CHD3: variants seen among roughly 807,000 people sequenced by gnomAD.
The protein encoded by CHD3 is ATP-dependent chromatin remodeler CHD3.
A neutral mutation model predicts 248.9 loss-of-function variants in CHD3; 52 were observed. That is an observed-to-expected ratio of 0.21 (90% CI 0.17 to 0.26). The LOEUF (loss-of-function observed/expected upper bound fraction) is 0.26, where lower values mean the gene tolerates loss of function less well. Among genes scored for constraint, CHD3 ranks in the 10% least tolerant of loss-of-function variants. CHD3 has a pLI of 1.00. For missense variants in CHD3, 1,482 were observed against 2,605.8 expected, an observed-to-expected ratio of 0.57 and a Z score of 9.39; for synonymous variants, 985 against 985.2, an observed-to-expected ratio of 1.00 and a Z score of 0.00.
Position 7,911,622 on chromosome 17 carries a change from C to A in CHD3, c.*37C>A. 6.2e-7 allele frequency: 1 copy of A among 1,613,034 alleles called. No individual in the cohort carries two copies. The highest frequency in any genetic ancestry group is 1.1e-5 in the South Asian group (1 of 91,006). ...GCCTGCCCTTCACCCAGGCCCCGTC[C>A]CCGAGGCCGACCCCCAGCTCAAGCG... On this transcript the variant is annotated 3_prime_UTR_variant, in exon 40 of 40. Transcript: ENST00000330494. This position sits in a 1 kb window ranked among gnomAD's most constrained non-coding sequence, Gnocchi z 5.4.
chr17:7,885,226 G>A, upstream of CHD3: 7 of 806,280 alleles, frequency 8.7e-6, no homozygotes, highest in Non-Finnish European at 1.0e-5. Context: ...GTGGCCCCGC[G>A]GCGGTCCGGG....
intron 10 of CHD3, among the ~76,000 whole-genome samples, chr17:7,896,253 T>A (rs887977457): frequency 2.1e-5 from 3 of 140,968 alleles, no homozygotes; most frequent in East Asian, 2.2e-4. Flanking sequence ...AAAAAAAAAA[T>A]TCTCAATGTT....
In CHD3 at chr17:7,900,179, C is replaced by A; in HGVS notation, c.2683-111C>A. The A allele has an allele frequency of 6.5e-7, 1 of 1,539,638 alleles. No individual in the cohort carries two copies. Among genetic ancestry groups the A allele is most frequent in the Non-Finnish European group, 8.8e-7 (1 of 1,131,792 alleles). Reference sequence around the variant, plus strand: ...GAGGGAGAGGGCCAGAGATTTGGGGCCTCTGATCCTGAGTGAAATGGGAGC... The same window carrying A: ...GAGGGAGAGGGCCAGAGATTTGGGGACTCTGATCCTGAGTGAAATGGGAGC... On this transcript the variant is annotated intron_variant, in intron 16 of 39. Transcript: ENST00000330494. This position sits in a 1 kb window ranked among gnomAD's most constrained non-coding sequence, Gnocchi z 6.5.
chr17:7,905,502 C>A lies in CHD3; in HGVS notation c.4139-119C>A. The A allele has an allele frequency of 2.7e-6, 2 of 742,684 alleles. No individual in the cohort carries two copies. Among genetic ancestry groups the A allele is most frequent in the Non-Finnish European group, 4.4e-6 (2 of 454,706 alleles). The allele number at this position is 742,684 out of a possible 1,614,324, so 46.0% of individuals were successfully genotyped here. A position where few individuals can be genotyped will look rare whatever the true frequency, so the allele number is the denominator to read the frequency against. On this transcript the variant is annotated intron_variant, in intron 26 of 39. Coordinates refer to ENST00000330494, the MANE Select transcript of CHD3 (RefSeq NM_001005273.3). The surrounding 1 kb of genome is among the most constrained non-coding windows in gnomAD (Gnocchi z 5.8). ...GAAGTGCTTGGGAGAGAATTGGGAG[C>A]ACCTCAAACGTGACAGGAATGTTCC...
Position 7,907,957 on chromosome 17 carries a change from G to A in CHD3, c.5090G>A (p.Arg1697Gln), listed in dbSNP as rs61738372. ...GPRDEPRSNGRREEKTEKPRF... is the reference protein window; with the variant it reads ...GPRDEPRSNGQREEKTEKPRF... The stretch of plus-strand genomic sequence containing the variant: ...CGAGATGAGCCACGGTCCAATGGGC[G>A]ACGAGAGGAAAAGACAGAGAAGCCC... Residue 1697 changes from arginine to glutamine, a missense_variant, in exon 34 of 40, where the codon CGA becomes CAA. Coordinates refer to ENST00000330494, the MANE Select transcript of CHD3 (RefSeq NM_001005273.3). The surrounding 1 kb of genome is among the most constrained non-coding windows in gnomAD (Gnocchi z 4.3). The A allele has an allele frequency of 6.2e-6, 10 of 1,612,964 alleles. No homozygotes were observed. The African/African-American group carries it at 8.0e-5, about 13-fold the overall frequency.
chr17:7,901,504 G>GTTTTTT (rs34660030), intron 20 of CHD3, 129 bp downstream of exon 20: 11 of 173,444 alleles, frequency 6.3e-5, no homozygotes, highest in South Asian at 1.7e-4. Context: ...TCCTGTAAGA[G>GTTTTTT]TTTTTTTTTT....
At chr17:7,885,040 G>GCCGCCGCCACCGCTGCCC, upstream of CHD3, 4 of 1,114,034 alleles carry the variant, frequency 3.6e-6, no homozygotes, top group Non-Finnish European at 4.4e-6. Context: ...CGCCGCCGCC[G>GCCGCCGCCACCGCTGCCC]CCGCCGCCAC....
At position 7,894,621 on chromosome 17, in the gene CHD3, T is replaced by G; in HGVS notation, c.1269+13T>G. 6.2e-7 allele frequency: 1 copy of G among 1,602,508 alleles called. No homozygotes were observed. Among genetic ancestry groups the G allele is most frequent in the Non-Finnish European group, 8.5e-7 (1 of 1,171,402 alleles). ...CTGCCCTCACTGTGTGAGTACCTAA[T>G]GCCAGCATCTGATGGCCCTGAGGAA... On this transcript the variant is annotated intron_variant, in intron 8 of 39. Transcript: ENST00000330494.
At chr17:7,898,404 T>C (rs1172928150) in intron 12 of CHD3, 92 bp from the exon 13 acceptor site, 11 of 972,518 alleles carry the variant, frequency 1.1e-5, no homozygotes, top group Non-Finnish European at 1.6e-5. Context: ...ATCTAGGTCA[T>C]GGACAGTGGG....
At position 7,907,577 on chromosome 17, in the gene CHD3, C is replaced by G; in HGVS notation, c.4925-24C>G. ...GGGGATGAGGGTAACATCCTCCCTT[C>G]CTATCCCCTACCCCCTCCCACAGCC... On this transcript the variant is annotated intron_variant, in intron 32 of 39. Coordinates refer to ENST00000330494, the MANE Select transcript of CHD3 (RefSeq NM_001005273.3). This position sits in a 1 kb window ranked among gnomAD's most constrained non-coding sequence, Gnocchi z 4.3. The G allele has an allele frequency of 2.0e-6, 3 of 1,514,054 alleles. No individual in the cohort carries two copies. Among genetic ancestry groups the G allele is most frequent in the Non-Finnish European group, 2.6e-6 (3 of 1,133,098 alleles). The allele number at this position is 1,514,054 out of a possible 1,614,324, so 93.8% of individuals were successfully genotyped here. A position where few individuals can be genotyped will look rare whatever the true frequency, so the allele number is the denominator to read the frequency against.
At position 7,903,095 on chromosome 17, in the gene CHD3, T is replaced by G. The variant is rs1835414287; in HGVS notation, c.3495+34T>G. The G allele has an allele frequency of 6.2e-7, 1 of 1,602,642 alleles. No individual in the cohort carries two copies. The highest frequency in any genetic ancestry group is 1.3e-5 in the African/African-American group (1 of 74,650). On this transcript the variant is annotated intron_variant, in intron 22 of 39. Coordinates refer to ENST00000330494, the MANE Select transcript of CHD3 (RefSeq NM_001005273.3). This position sits in a 1 kb window ranked among gnomAD's most constrained non-coding sequence, Gnocchi z 6.8. ...TCGCATCCTAGAACCCCTGCACCAT[T>G]TAGCAAGGAGATGTGGGTTCATGGA...
rs1971547112 is a variant in CHD3, at chr17:7,910,719, G to T, written c.5754+128G>T. On this transcript the variant is annotated intron_variant, in intron 38 of 39. Transcript: ENST00000330494. The surrounding 1 kb of genome is among the most constrained non-coding windows in gnomAD (Gnocchi z 4.7). ...GCTAGAACACAGTCATCACCCTTGAGTGAGTCTCCCTGCCTGTGTATCCTA... is the reference window on the plus strand; with the variant it reads ...GCTAGAACACAGTCATCACCCTTGATTGAGTCTCCCTGCCTGTGTATCCTA... 6.6e-7 allele frequency: 1 copy of T among 1,504,654 alleles called. No individual in the cohort carries two copies. The highest frequency in any genetic ancestry group is 1.4e-5 in the African/African-American group (1 of 71,774). 93.2% of individuals were successfully genotyped at this position (1,504,654 alleles called of 1,614,324 possible).
chr17:7,891,154 C>G (rs1053970409), intron 4 of CHD3, 90 bp downstream of exon 4: 1 of 1,460,262 alleles, frequency 6.8e-7, no homozygotes, highest in Middle Eastern at 2.1e-4. Context: ...AGCTATGAAA[C>G]TGCTCTCCAG....
Position 7,901,225 on chromosome 17 carries a change from C to T in CHD3, c.3121-19C>T, listed in dbSNP as rs1391891245. 2.5e-6 allele frequency: 4 copies of T among 1,582,750 alleles called. No homozygotes were observed. In the South Asian group the frequency reaches 3.4e-5, roughly 13 times the overall value. ...GTTTCCAACTGACCCCCTCCTCCTC[C>T]TCTCTCCTCCCTTTTCAGGAGTCCC... On this transcript the variant is annotated intron_variant, in intron 19 of 39. Coordinates refer to ENST00000330494, the MANE Select transcript of CHD3 (RefSeq NM_001005273.3).
Position 7,907,143 on chromosome 17 carries a change from G to A in CHD3, c.4684G>A (p.Glu1562Lys). Residue 1562 changes from glutamate to lysine, a missense_variant, in exon 31 of 40, where the codon GAG (glutamate) becomes AAG (lysine). By Grantham distance (56) the Glu-to-Lys change is moderately conservative (BLOSUM62 1). Transcript: ENST00000330494. This position sits in a 1 kb window ranked among gnomAD's most constrained non-coding sequence, Gnocchi z 4.3. ...TSKPATPAPS[E>K]KGEGIRTPLE... ...CCCTGCAGCTACTCCAGCTCCAAGT[G>A]AGAAAGGAGAAGGCATAAGGACACC... 1.2e-6 allele frequency: 2 copies of A among 1,614,236 alleles called. No individual in the cohort carries two copies. Among genetic ancestry groups the A allele is most frequent in the Non-Finnish European group, 1.7e-6 (2 of 1,180,034 alleles).
rs778652413 is a variant in CHD3, at chr17:7,911,615, C to T, written c.*30C>T. ...ATCCCAGGCCTGCCCTTCACCCAGG[C>T]CCCGTCCCCGAGGCCGACCCCCAGC... On this transcript the variant is annotated 3_prime_UTR_variant, in exon 40 of 40. Transcript: ENST00000330494. This position sits in a 1 kb window ranked among gnomAD's most constrained non-coding sequence, Gnocchi z 5.4. The T allele has an allele frequency of 8.1e-6, 13 of 1,613,238 alleles. No individual in the cohort carries two copies. Among genetic ancestry groups the T allele is most frequent in the Non-Finnish European group, 1.1e-5 (13 of 1,179,522 alleles).
upstream of CHD3, chr17:7,884,865 A>T: frequency 8.1e-7 from 1 of 1,228,148 alleles, no homozygotes; most frequent in Non-Finnish European, 1.1e-6. Flanking sequence ...GTGTCGGAGG[A>T]GGAAGAAGAG....
chr17:7,908,061 T>G lies in CHD3; in HGVS notation c.5152+42T>G. The G allele has an allele frequency of 6.4e-7, 1 of 1,554,248 alleles. No individual in the cohort carries two copies. Among genetic ancestry groups the G allele is most frequent in the Non-Finnish European group, 8.7e-7 (1 of 1,147,200 alleles). ...CTGCTTTCTGCTCCTCAAGGGGATC[T>G]GCTCATCCTCATGGGGTTTCTCGTT... On this transcript the variant is annotated intron_variant, in intron 34 of 39. Coordinates refer to ENST00000330494, the MANE Select transcript of CHD3 (RefSeq NM_001005273.3). The surrounding 1 kb of genome is among the most constrained non-coding windows in gnomAD (Gnocchi z 5.8).
rs1425412250 is a variant in CHD3, at chr17:7,894,601, C to G, written c.1262C>G (p.Pro421Arg). 6.2e-7 allele frequency: 1 copy of G among 1,612,562 alleles called. No individual in the cohort carries two copies. ...DRAPEGKWSC[P>R]HCEKEGVQWE... is the part of the protein sequence containing the mutation. ...GCTCCAGAGGGCAAATGGAGCTGCC[C>G]TCACTGTGTGAGTACCTAATGCCAG... is the stretch of plus-strand genomic sequence containing the variant. The change falls in exon 8 of 40, where the codon CCT becomes CGT. Residue 421 changes from proline to arginine, a missense_variant. Coordinates refer to ENST00000330494, the MANE Select transcript of CHD3 (RefSeq NM_001005273.3).
Sources: gnomAD v4.1 joint callset for allele counts (sites outside exome capture counted in the v4.1 genomes callset) on GRCh38, gnomAD v4.1.1 for gene constraint, Gnocchi (gnomAD v3.1) non-coding constraint, MANE v1.5 for transcripts, NCBI Gene and HGNC (gene_info 2026-07-23, HGNC 2026-07-21) for gene names.